Variants in EFCAB6 observed in about 807,000 individuals in gnomAD.
EFCAB6 encodes the protein EF-hand calcium-binding domain-containing protein 6.
A neutral mutation model predicts 169.8 loss-of-function variants in EFCAB6; 156 were observed. The ratio of observed to expected loss-of-function variants is 0.92; its 90% CI spans 0.81 to 1.05. EFCAB6 has a LOEUF of 1.05. Among genes scored for constraint, EFCAB6 ranks in the 50% least tolerant of loss-of-function variants. The pLI, the probability that EFCAB6 is intolerant of heterozygous loss-of-function variation, is 0.00. For missense variants in EFCAB6, 1,800 were observed against 1,829.1 expected (o/e 0.98, Z 0.29); for synonymous variants, 698 against 676.4 (o/e 1.03, Z -0.50).
intron 24 of EFCAB6, among the ~76,000 whole-genome samples, chr22:43,583,614 C>T (rs939584383): frequency 3.7e-5 from 5 of 134,380 alleles, no homozygotes; most frequent in South Asian, 2.5e-4. Context: ...CTTTTAGCAG[C>T]GAGGCCTTTG....
intron 4 of EFCAB6, among the ~76,000 whole-genome samples, chr22:43,772,572 C>T (rs1316742195): frequency 6.8e-6 from 1 of 147,720 alleles, no homozygotes; most frequent in African/African-American, 2.5e-5. Flanking sequence ...ACCTGGGAGG[C>T]GGAGGTTGCG....
intron 14 of EFCAB6, 28 bp downstream of exon 14, chr22:43,672,218 C>T (rs1418057776): frequency 6.2e-7 from 1 of 1,614,068 alleles, no homozygotes; most frequent in Non-Finnish European, 8.5e-7. Context: ...AGGAAGGCAT[C>T]CACACAAAGA....
In EFCAB6 at chr22:43,530,167, C is replaced by T. The variant is rs553730109; in HGVS notation, c.4383+648G>A. ...ACCTTCCCAGCACCACGCCCGAATT[C>T]CTGGGAAGTTGCCGGAAGGGAATAA... is the stretch of plus-strand genomic sequence containing the variant. On this transcript the variant is annotated intron_variant, in intron 31 of 31. Transcript: ENST00000262726. Among the ~76,000 whole-genome samples, 10 of 152,336 alleles carry T rather than the reference C, an allele frequency of 6.6e-5. No homozygotes were observed. In the South Asian group the frequency reaches 1.7e-3, roughly 25 times the overall value.
chr22:43,805,851 TAAATA>T (rs910859835), intron 2 of EFCAB6, among the ~76,000 whole-genome samples: 2 of 152,036 alleles, frequency 1.3e-5, no homozygotes, highest in Non-Finnish European at 2.9e-5. Flanking sequence ...TCAATAAAAA[TAAATA>T]AAATTTCTTT....
intron 26 of EFCAB6, among the ~76,000 whole-genome samples, chr22:43,574,623 A>ATATG (rs1453177339): frequency 6.8e-6 from 1 of 147,744 alleles, no homozygotes; most frequent in East Asian, 2.0e-4. Flanking sequence ...TCTCCCATGA[A>ATATG]TATGTATTCC....
intron 26 of EFCAB6, among the ~76,000 whole-genome samples, chr22:43,556,314 T>C (rs2048703022): frequency 6.6e-6 from 1 of 152,098 alleles, no homozygotes; most frequent in South Asian, 2.1e-4. Context: ...CTGTGGCTGC[T>C]GCATCAACAG....
chr22:43,791,753 C>T (rs576238526), intron 2 of EFCAB6, among the ~76,000 whole-genome samples: 1 of 151,834 alleles, frequency 6.6e-6, no homozygotes, highest in African/African-American at 2.4e-5. Flanking sequence ...CAGAGGAGAA[C>T]GAGTGACAGT....
At chr22:43,582,358 A>G (rs2050783410) in intron 24 of EFCAB6, among the ~76,000 whole-genome samples, 1 of 151,970 alleles carries the variant, frequency 6.6e-6, no homozygotes, top group Non-Finnish European at 1.5e-5. Context: ...ACACACACAC[A>G]CACACACACA....
chr22:43,576,404 G>C lies in EFCAB6; in HGVS notation c.3313C>G (p.Leu1105Val), dbSNP rs1569184602. The C allele has an allele frequency of 3.7e-6, 6 of 1,607,668 alleles. No individual in the cohort carries two copies. Among genetic ancestry groups the C allele is most frequent in the Non-Finnish European group, 4.2e-6 (5 of 1,178,182 alleles). ...GQVLKDFCYK[L>V]TDNQYHYFLR... ...AAATAATGATACTGATTGTCCGTTA[G>C]TTTGTAACAGAAATCCTTAAGAACT... Residue 1105 changes from leucine (L) to valine (V), a missense_variant, in exon 26 of 32, where the codon CTA becomes GTA. Transcript: ENST00000262726.
At chr22:43,678,300 C>T (rs900278180) in intron 12 of EFCAB6, 137 bp from the exon 13 acceptor site, 9 of 726,496 alleles carry the variant, frequency 1.2e-5, no homozygotes, top group South Asian at 9.4e-5. Flanking sequence ...GCAAATACAT[C>T]GACTGATGAT....
At chr22:43,734,368 T>C (rs578043193) in intron 7 of EFCAB6, among the ~76,000 whole-genome samples, 19 of 152,226 alleles carry the variant, frequency 1.2e-4, no homozygotes, top group Non-Finnish European at 2.6e-4. Context: ...AGCAATTCTA[T>C]TATGTTCATT....
chr22:43,719,548 A>C (rs1463980222), intron 8 of EFCAB6, among the ~76,000 whole-genome samples: 1 of 152,212 alleles, frequency 6.6e-6, no homozygotes, highest in Non-Finnish European at 1.5e-5. Context: ...GGTTGCTGCA[A>C]ATATATGAAC....
intron 2 of EFCAB6, among the ~76,000 whole-genome samples, chr22:43,783,382 G>A (rs528871793): frequency 6.6e-6 from 1 of 152,194 alleles, no homozygotes; most frequent in East Asian, 1.9e-4. Flanking sequence ...CCATTCCCAG[G>A]GAGAGGTGTG....
At chr22:43,561,673 C>T (rs769418156) in intron 26 of EFCAB6, among the ~76,000 whole-genome samples, 9 of 152,164 alleles carry the variant, frequency 5.9e-5, no homozygotes, top group African/African-American at 9.7e-5. Flanking sequence ...GCTCAGCCGC[C>T]GCCAGCCTCG....
intron 10 of EFCAB6, among the ~76,000 whole-genome samples, chr22:43,699,873 C>T (rs2058704446): frequency 6.6e-6 from 1 of 152,108 alleles, no homozygotes; most frequent in Non-Finnish European, 1.5e-5. Flanking sequence ...CTATTGTTAC[C>T]AGCGTGAATG....
intron 6 of EFCAB6, among the ~76,000 whole-genome samples, chr22:43,750,502 G>A (rs1256716308): frequency 6.6e-6 from 1 of 152,196 alleles, no homozygotes; most frequent in Non-Finnish European, 1.5e-5. Flanking sequence ...GAGGAGATGT[G>A]TTCAAATACC....
intron 17 of EFCAB6, among the ~76,000 whole-genome samples, chr22:43,647,871 T>C (rs942571978): frequency 3.3e-5 from 5 of 152,126 alleles, no homozygotes; most frequent in African/African-American, 9.6e-5. Flanking sequence ...GGAGAAACAA[T>C]GCAGCGTGCT....
At chr22:43,542,684 G>A (rs1050911967) in intron 27 of EFCAB6, among the ~76,000 whole-genome samples, 9 of 152,114 alleles carry the variant, frequency 5.9e-5, no homozygotes, top group Non-Finnish European at 8.8e-5. Context: ...GGTGGAGGAG[G>A]CAGCACCGGA....
intron 2 of EFCAB6, among the ~76,000 whole-genome samples, chr22:43,790,916 A>C (rs901370783): frequency 2.0e-5 from 3 of 152,220 alleles, no homozygotes; most frequent in Admixed American, 6.5e-5. Flanking sequence ...TTCAGCATGC[A>C]AAAGAAAGGT....
Sources: allele counts gnomAD v4.1 joint callset (sites outside exome capture counted in the v4.1 genomes callset), GRCh38; gene constraint gnomAD v4.1.1; transcripts MANE v1.5; gene names NCBI Gene and HGNC (gene_info 2026-07-23, HGNC 2026-07-21).